TRDN: variants seen among roughly 807,000 people sequenced by gnomAD.
TRDN encodes triadin.
A neutral mutation model predicts 149.7 loss-of-function variants in TRDN; 161 were observed. That is an observed-to-expected ratio of 1.08 (90% confidence interval 0.95 to 1.23). The LOEUF (loss-of-function observed/expected upper bound fraction) is 1.23, where lower values mean the gene tolerates loss of function less well. Among genes scored for constraint, TRDN ranks in the 50% most tolerant of loss-of-function variants. The probability of loss-of-function intolerance (pLI) is 0.00; values close to 1 mark genes in which losing one functional copy is unlikely to be tolerated. For missense variants in TRDN, 896 were observed against 823.5 expected, an observed-to-expected ratio of 1.09 and a Z score of -1.08; for synonymous variants, 294 against 250.5, an observed-to-expected ratio of 1.17 and a Z score of -1.64.
At chr6:123,289,016 G>GTGTGT (rs1562247004) in intron 24 of TRDN, among the ~76,000 whole-genome samples, 1 of 103,988 alleles carries the variant, frequency 9.6e-6, no homozygotes, top group African/African-American at 2.9e-5. Context: ...AAATGTGGGG[G>GTGTGT]GTGTGTGTGT....
intron 12 of TRDN, among the ~76,000 whole-genome samples, chr6:123,397,325 A>G (rs1178026482): frequency 2.0e-5 from 3 of 152,136 alleles, no homozygotes; most frequent in African/African-American, 7.2e-5. Context: ...TATCCTGGTT[A>G]TTGACAATAC....
intron 38 of TRDN, among the ~76,000 whole-genome samples, chr6:123,248,689 T>C (rs1310512703): frequency 6.6e-6 from 1 of 151,936 alleles, no homozygotes; most frequent in African/African-American, 2.4e-5. Flanking sequence ...AAATAGGACC[T>C]GAACAGACCA....
At chr6:123,479,204 T>A (rs1279698125) in intron 9 of TRDN, among the ~76,000 whole-genome samples, 1 of 152,150 alleles carries the variant, frequency 6.6e-6, no homozygotes, top group African/African-American at 2.4e-5. Flanking sequence ...AACTTTAACT[T>A]ATATATTTGT....
intron 22 of TRDN, among the ~76,000 whole-genome samples, chr6:123,333,392 G>A (rs1324372347): frequency 6.6e-6 from 1 of 152,094 alleles, no homozygotes. Flanking sequence ...GAAGGAAAGG[G>A]TGGAATAACA....
At chr6:123,504,488 T>C (rs1778832843) in intron 7 of TRDN, among the ~76,000 whole-genome samples, 2 of 152,186 alleles carry the variant, frequency 1.3e-5, no homozygotes, top group Admixed American at 1.3e-4. Flanking sequence ...GAAAGACCTA[T>C]AGTCTAATGA....
chr6:123,470,405 T>C (rs550558844), intron 9 of TRDN: 5 of 152,274 alleles, frequency 3.3e-5, no homozygotes, highest in African/African-American at 1.2e-4. Flanking sequence ...GAGATAATAG[T>C]ACAAATGAAA....
At chr6:123,417,449 A>G (rs1214743120) in intron 12 of TRDN, among the ~76,000 whole-genome samples, 1 of 152,222 alleles carries the variant, frequency 6.6e-6, no homozygotes, top group African/African-American at 2.4e-5. Flanking sequence ...GAAGACTGGT[A>G]GCAATGTATA....
intron 2 of TRDN, among the ~76,000 whole-genome samples, chr6:123,562,209 G>A (rs572485833): frequency 1.1e-4 from 16 of 151,662 alleles, no homozygotes; most frequent in East Asian, 1.9e-4. Context: ...TTACCTACCC[G>A]AATCTTATAA....
At chr6:123,378,969 C>T (rs1781614150) in intron 16 of TRDN, among the ~76,000 whole-genome samples, 1 of 152,128 alleles carries the variant, frequency 6.6e-6, no homozygotes, top group South Asian at 2.1e-4. Context: ...ACTAATTTTA[C>T]ATGAAGTGCT....
chr6:123,591,802 G>A (rs896812098), intron 1 of TRDN, among the ~76,000 whole-genome samples: 35 of 152,152 alleles, frequency 2.3e-4, no homozygotes, highest in African/African-American at 7.7e-4. Context: ...TCCTTTATGT[G>A]CTTCTGAAAA....
At chr6:123,610,472 C>T (rs9388269) in intron 1 of TRDN, among the ~76,000 whole-genome samples, 37,422 of 152,092 alleles carry the variant, frequency 0.25, 4,758 homozygotes, top group East Asian at 0.43. Flanking sequence ...CTTCTATGTA[C>T]CAAGCACTCT....
intron 20 of TRDN, among the ~76,000 whole-genome samples, chr6:123,360,005 A>T (rs1193572890): frequency 2.6e-5 from 4 of 151,640 alleles, no homozygotes; most frequent in East Asian, 3.9e-4. Context: ...GTGAAGGGGA[A>T]TTTTTTTTTA....
chr6:123,587,792 T>TG (rs1335176326), intron 1 of TRDN, among the ~76,000 whole-genome samples: 1 of 129,694 alleles, frequency 7.7e-6, no homozygotes, highest in Non-Finnish European at 1.6e-5. Flanking sequence ...CAGGCAGGAG[T>TG]GGGGGTCACA....
intron 1 of TRDN, among the ~76,000 whole-genome samples, chr6:123,631,838 C>A (rs1405354197): frequency 6.6e-6 from 1 of 151,970 alleles, no homozygotes; most frequent in Non-Finnish European, 1.5e-5. Flanking sequence ...CCCACCCACA[C>A]CCCAACTACT....
intron 12 of TRDN, among the ~76,000 whole-genome samples, chr6:123,433,688 C>A (rs1187717172): frequency 6.6e-6 from 1 of 151,614 alleles, no homozygotes; most frequent in Non-Finnish European, 1.5e-5. Context: ...TGATTTTATA[C>A]CATTATCAAT....
intron 5 of TRDN, among the ~76,000 whole-genome samples, chr6:123,516,611 GA>G (rs1379975711): frequency 1.3e-5 from 2 of 151,996 alleles, no homozygotes; most frequent in African/African-American, 4.8e-5. Context: ...TTGAAGCAAA[GA>G]ACTATCAACT....
chr6:123,409,956 G>A (rs1389393632), intron 12 of TRDN, among the ~76,000 whole-genome samples: 2 of 152,118 alleles, frequency 1.3e-5, no homozygotes, highest in African/African-American at 4.8e-5. Context: ...GAGAGAGTGG[G>A]TTGACTTTAA....
intron 1 of TRDN, among the ~76,000 whole-genome samples, chr6:123,583,312 G>A (rs988246569): frequency 1.1e-4 from 16 of 151,908 alleles, no homozygotes; most frequent in Non-Finnish European, 2.1e-4. Flanking sequence ...GTTTTTGGGG[G>A]GCACAGTCTA....
At chr6:123,388,726 A>G (rs1781998905) in intron 13 of TRDN, among the ~76,000 whole-genome samples, 175 bp from the exon 14 acceptor site, 1 of 152,186 alleles carries the variant, frequency 6.6e-6, no homozygotes, top group Non-Finnish European at 1.5e-5. Flanking sequence ...ATATAAAGAT[A>G]TTTGTAAACT....
Sources: allele counts gnomAD v4.1 joint callset (sites outside exome capture counted in the v4.1 genomes callset), GRCh38; gene constraint gnomAD v4.1.1; transcripts MANE v1.5; gene names NCBI Gene and HGNC (gene_info 2026-07-23, HGNC 2026-07-21).